DPP10: variants seen among roughly 807,000 people sequenced by gnomAD.
The protein encoded by DPP10 is inactive dipeptidyl peptidase 10.
DPP10 carries 33 observed loss-of-function variants against 120.9 expected under a neutral mutation model. The observed-to-expected ratio is 0.27, with a 90% CI of 0.21 to 0.37. The LOEUF (loss-of-function observed/expected upper bound fraction) is 0.37. Among genes scored for constraint, DPP10 ranks in the 10% least tolerant of loss-of-function variants. The pLI, the probability that DPP10 is intolerant of heterozygous loss-of-function variation, is 1.00. For synonymous variants in DPP10, 337 were observed against 326.1 expected, an observed-to-expected ratio of 1.03 and a Z score of -0.36; for missense variants, 816 against 942.8, an observed-to-expected ratio of 0.87 and a Z score of 1.76.
chr2:115,091,245 C>T (rs954528574), intron 1 of DPP10, among the ~76,000 whole-genome samples: 1 of 152,186 alleles, frequency 6.6e-6, no homozygotes, highest in Non-Finnish European at 1.5e-5. Flanking sequence ...TGCATCTAAA[C>T]CTTGTCTGGC....
intron 9 of DPP10, among the ~76,000 whole-genome samples, chr2:115,741,215 G>T (rs547003886): frequency 1.3e-4 from 20 of 152,150 alleles, no homozygotes; most frequent in South Asian, 6.2e-4. Context: ...CCTTCCACAG[G>T]TTGTAGTATT....
chr2:115,101,968 G>C (rs1178878414), intron 1 of DPP10, among the ~76,000 whole-genome samples: 3 of 152,206 alleles, frequency 2.0e-5, no homozygotes, highest in Non-Finnish European at 4.4e-5. Context: ...TTATGAATAG[G>C]AGAAATGAGG....
At chr2:115,189,198 T>C (rs2054684589) in intron 1 of DPP10, among the ~76,000 whole-genome samples, 1 of 152,210 alleles carries the variant, frequency 6.6e-6, no homozygotes, top group African/African-American at 2.4e-5. Flanking sequence ...GCGTTCTTAT[T>C]CTACTGCTGT....
rs1689986231 is a variant in DPP10, at chr2:115,840,321, T to TTTTG, written c.2183-426_2183-425insGTTT. ...AAAGCCAGATATAAGGTTTTTTGGT[T>TTTTG]TTTTTTTTTTTTTTTTTTTTGAGAC... is the stretch of plus-strand genomic sequence containing the variant. On this transcript the variant is annotated intron_variant, in intron 24 of 25. Transcript: ENST00000410059. 2.7e-5 allele frequency among the ~76,000 whole-genome samples: 3 copies of TTTTG among 109,422 alleles called. 1 individual carries two copies. Among genetic ancestry groups the TTTTG allele is most frequent in the Non-Finnish European group, 3.7e-5 (2 of 53,368 alleles). The allele number at this position is 109,422 out of a possible 152,430, so 71.8% of individuals were successfully genotyped here.
At chr2:114,684,714 G>T (rs376073482) in intron 1 of DPP10, among the ~76,000 whole-genome samples, 1 of 151,936 alleles carries the variant, frequency 6.6e-6, no homozygotes, top group Non-Finnish European at 1.5e-5. Flanking sequence ...CACATTTCAC[G>T]AAGGAAAGAG....
At chr2:114,668,590 T>C (rs1698107153) in intron 1 of DPP10, among the ~76,000 whole-genome samples, 1 of 152,072 alleles carries the variant, frequency 6.6e-6, no homozygotes, top group Non-Finnish European at 1.5e-5. Context: ...ACACTATGAA[T>C]GAAAAACCTC....
chr2:115,671,921 GA>G (rs1158318190), intron 5 of DPP10, among the ~76,000 whole-genome samples: 4 of 152,246 alleles, frequency 2.6e-5, no homozygotes, highest in Middle Eastern at 3.4e-3. Context: ...TATGCAAATG[GA>G]ATAGTGTGAC....
chr2:115,070,916 T>C (rs966859), intron 1 of DPP10, among the ~76,000 whole-genome samples: 25,032 of 152,164 alleles, frequency 0.16, 2,327 homozygotes, highest in African/African-American at 0.27. Context: ...TATTTGGCTT[T>C]AGGCGTGAAA....
intron 1 of DPP10, among the ~76,000 whole-genome samples, chr2:114,574,799 G>A (rs186603644): frequency 5.3e-4 from 81 of 152,312 alleles, no homozygotes; most frequent in African/African-American, 1.9e-3. Context: ...ATTGGAGGGA[G>A]GCAGTGAAAG....
chr2:115,748,628 G>A (rs1168878152), intron 10 of DPP10, among the ~76,000 whole-genome samples: 1 of 151,730 alleles, frequency 6.6e-6, no homozygotes, highest in Non-Finnish European at 1.5e-5. Context: ...TTTTTGGTCT[G>A]TCTGATTGCT....
chr2:115,530,198 A>T (rs1342473153), intron 5 of DPP10, among the ~76,000 whole-genome samples: 1 of 151,954 alleles, frequency 6.6e-6, no homozygotes, highest in East Asian at 1.9e-4. Context: ...TTATTTATTA[A>T]TTATGTCCCA....
chr2:115,318,081 C>G (rs1488487149), intron 2 of DPP10, among the ~76,000 whole-genome samples: 1 of 151,898 alleles, frequency 6.6e-6, no homozygotes, highest in Non-Finnish European at 1.5e-5. Flanking sequence ...TTTAGTTTAT[C>G]TACATGGGTC....
At chr2:114,814,650 T>G (rs1449651831) in intron 1 of DPP10, among the ~76,000 whole-genome samples, 1 of 152,170 alleles carries the variant, frequency 6.6e-6, no homozygotes, top group African/African-American at 2.4e-5. Context: ...ATGCAGTGGC[T>G]GCAGGACCTG....
intron 5 of DPP10, among the ~76,000 whole-genome samples, chr2:115,604,980 T>A (rs960718148): frequency 1.3e-5 from 2 of 152,216 alleles, no homozygotes; most frequent in Admixed American, 6.5e-5. Context: ...CCATTGCTAA[T>A]TTGTTATAAC....
chr2:115,076,131 T>C (rs939765893), intron 1 of DPP10, among the ~76,000 whole-genome samples: 7 of 152,218 alleles, frequency 4.6e-5, no homozygotes, highest in African/African-American at 1.7e-4. Flanking sequence ...CTGTTGTTGT[T>C]GAAGTTTTAA....
At chr2:114,944,118 C>G (rs1030112157) in intron 1 of DPP10, among the ~76,000 whole-genome samples, 1 of 152,088 alleles carries the variant, frequency 6.6e-6, no homozygotes, top group Admixed American at 6.6e-5. Context: ...GAGTAGGATA[C>G]TTTGAATTTG....
At chr2:115,719,998 G>A (rs745444971) in intron 7 of DPP10, among the ~76,000 whole-genome samples, 7 of 152,094 alleles carry the variant, frequency 4.6e-5, no homozygotes, top group Non-Finnish European at 8.8e-5. Context: ...TTTTGTATGC[G>A]TCTTTTGATA....
intron 1 of DPP10, among the ~76,000 whole-genome samples, chr2:114,689,282 T>C (rs143930148): frequency 2.6e-5 from 4 of 151,688 alleles, no homozygotes; most frequent in African/African-American, 9.7e-5. Context: ...CCCCCAACAT[T>C]CCATGTGTTC....
At chr2:115,270,626 G>T (rs1451909717) in intron 1 of DPP10, among the ~76,000 whole-genome samples, 1 of 152,144 alleles carries the variant, frequency 6.6e-6, no homozygotes, top group African/African-American at 2.4e-5. Context: ...ATGACCACGT[G>T]GGGAGAGGAA....
Sources: gnomAD v4.1 joint callset for allele counts (sites outside exome capture counted in the v4.1 genomes callset) on GRCh38, gnomAD v4.1.1 for gene constraint, MANE v1.5 for transcripts, NCBI Gene and HGNC (gene_info 2026-07-23, HGNC 2026-07-21) for gene names.